The following EFCAB7 variants were observed in gnomAD, a reference collection of about 807,000 sequenced individuals.
The protein encoded by EFCAB7 is EF-hand calcium binding domain 7, also known as EF-hand calcium-binding domain-containing protein 7.
In EFCAB7, 66 loss-of-function variants were observed where a neutral mutation model predicts 77.1. That is an observed-to-expected ratio of 0.86 (90% CI 0.70 to 1.05). The LOEUF (loss-of-function observed/expected upper bound fraction) is 1.05. EFCAB7 is among the 50% of genes least tolerant of loss of function. The pLI is 0.00. For missense variants in EFCAB7, 638 were observed against 730.5 expected, an observed-to-expected ratio of 0.87 and a Z score of 1.46; for synonymous variants, 225 against 243.3, an observed-to-expected ratio of 0.92 and a Z score of 0.70.
intron 3 of EFCAB7, 21 bp downstream of exon 3, chr1:63,532,052 T>C: frequency 1.3e-6 from 2 of 1,570,452 alleles, no homozygotes; most frequent in South Asian, 1.1e-5. Context: ...TAAAACTGTT[T>C]TGTAATGTGC....
intron 6 of EFCAB7, among the ~76,000 whole-genome samples, chr1:63,540,858 GT>G (rs67562431): frequency 0.35 from 53,212 of 151,860 alleles, 9,476 homozygotes; most frequent in East Asian, 0.48. Flanking sequence ...TTAAAATGCA[GT>G]TTAAGAAGAA....
Position 63,572,566 on chromosome 1 carries a change from TGTTA to T in EFCAB7, c.*51_*54del, listed in dbSNP as rs1292744087. On this transcript the variant is annotated 3_prime_UTR_variant, in exon 14 of 14. Coordinates refer to ENST00000371088, the MANE Select transcript of EFCAB7 (RefSeq NM_032437.4). ...ACTAAGAATTATTTCAGATTTAGTC[TGTTA>T]TTTATTAAACAACTAAATGCTACTT... 6 of 1,316,444 alleles carry T rather than the reference TGTTA, an allele frequency of 4.6e-6. No homozygotes were observed. The highest frequency in any genetic ancestry group is 6.1e-6 in the Non-Finnish European group (6 of 983,938). 81.5% of individuals were successfully genotyped at this position (1,316,444 alleles called of 1,614,324 possible).
At chr1:63,576,606 G>C (rs1647425820), downstream of EFCAB7, among the ~76,000 whole-genome samples, 1 of 151,560 alleles carries the variant, frequency 6.6e-6, no homozygotes, top group Admixed American at 6.6e-5. Context: ...GATCACCTGA[G>C]GTCAGGAGTT....
chr1:63,577,187 T>C (rs752845019), downstream of EFCAB7, among the ~76,000 whole-genome samples: 1 of 150,846 alleles, frequency 6.6e-6, no homozygotes, highest in Non-Finnish European at 1.5e-5. Context: ...TTTCTAAAAA[T>C]ATATATGAAT....
At chr1:63,562,448 TTTATATATATATA>T (rs1647115403) in intron 11 of EFCAB7, among the ~76,000 whole-genome samples, 3 of 44,890 alleles carry the variant, frequency 6.7e-5, no homozygotes, top group Admixed American at 4.9e-4. Context: ...TCTTAATTTA[TTTATATATATATA>T]TATATATATA....
At chr1:63,528,596 A>G (rs572133875) in intron 2 of EFCAB7, among the ~76,000 whole-genome samples, 1 of 152,308 alleles carries the variant, frequency 6.6e-6, no homozygotes, top group African/African-American at 2.4e-5. Context: ...AACAAAGGAT[A>G]AATGCTTGAG....
At chr1:63,533,403 C>G (rs1646723966) in intron 4 of EFCAB7, 51 bp from the exon 5 acceptor site, 2 of 1,376,446 alleles carry the variant, frequency 1.5e-6, no homozygotes, top group Middle Eastern at 1.8e-4. Context: ...TTCTCCTCTT[C>G]CCCAGTGTAT....
At chr1:63,533,289 C>T (rs1239223439) in intron 4 of EFCAB7, among the ~76,000 whole-genome samples, 165 bp from the exon 5 acceptor site, 1 of 152,110 alleles carries the variant, frequency 6.6e-6, no homozygotes, top group African/African-American at 2.4e-5. Flanking sequence ...CACTAGGTCA[C>T]TTGAGGCTGG....
the EFCAB7 span, among the ~76,000 whole-genome samples, chr1:63,582,870 G>A: frequency 1.3e-5 from 2 of 152,172 alleles, no homozygotes; most frequent in African/African-American, 2.4e-5. Flanking sequence ...CTCCCAAAGT[G>A]CTGGGATTAC....
Position 63,557,175 on chromosome 1 carries a change from G to A in EFCAB7, c.1276G>A (p.Glu426Lys). ...AGATGGAAATGGTCTTCTTAGCCTT[G>A]AAGAATATAATTTTTTTGAATTGAG... ...DLDGNGLLSL[E>K]EYNFFELRTS... The change falls in exon 10 of 14, where the codon GAA becomes AAA. Residue 426 changes from glutamate to lysine, a missense_variant. Coordinates refer to ENST00000371088, the MANE Select transcript of EFCAB7 (RefSeq NM_032437.4). 1 of 1,609,774 alleles carries A rather than the reference G, an allele frequency of 6.2e-7. No individual in the cohort carries two copies. The highest frequency in any genetic ancestry group is 8.5e-7 in the Non-Finnish European group (1 of 1,178,772).
At position 63,534,226 on chromosome 1, in the gene EFCAB7, TTTAAG is replaced by T. The variant is rs1364180489; in HGVS notation, c.804+15_804+19del. On this transcript the variant is annotated intron_variant, in intron 6 of 13. Transcript: ENST00000371088. The stretch of plus-strand genomic sequence containing the variant: ...GCCAAATTTAATAAAGGTATAGTAT[TTTAAG>T]TTAACAGATGACTTTTTCTGAAAAA... 9 of 1,607,318 alleles carry T rather than the reference TTTAAG, an allele frequency of 5.6e-6. No homozygotes were observed. The Admixed American group carries it at 8.5e-5, about 15-fold the overall frequency.
At chr1:63,579,355 CATA>C in the EFCAB7 span, among the ~76,000 whole-genome samples, 2 of 152,208 alleles carry the variant, frequency 1.3e-5, no homozygotes, top group South Asian at 2.1e-4. Flanking sequence ...TTTTATTCAG[CATA>C]ATGCCTTTGA....
intron 1 of EFCAB7, among the ~76,000 whole-genome samples, chr1:63,524,480 T>C (rs1182757296): frequency 6.6e-6 from 1 of 152,244 alleles, no homozygotes; most frequent in Admixed American, 6.5e-5. Flanking sequence ...GTAAATGATC[T>C]ATATAATTCG....
At chr1:63,578,196 G>A in the EFCAB7 span, among the ~76,000 whole-genome samples, 4 of 152,160 alleles carry the variant, frequency 2.6e-5, no homozygotes, top group East Asian at 5.8e-4. Flanking sequence ...AAGAGGAGAG[G>A]AAATGAAAAT....
chr1:63,584,988 C>G, the EFCAB7 span, among the ~76,000 whole-genome samples: 4 of 152,220 alleles, frequency 2.6e-5, no homozygotes, highest in South Asian at 8.3e-4. Flanking sequence ...TTGGAAATGT[C>G]TTTGTCTTGT....
downstream of EFCAB7, among the ~76,000 whole-genome samples, chr1:63,572,894 G>A (rs926632889): frequency 1.3e-5 from 2 of 152,098 alleles, no homozygotes; most frequent in African/African-American, 4.8e-5. Flanking sequence ...GCGGGCAGGG[G>A]CGGGAGTCAC....
At chr1:63,566,374 A>T (rs1421582037) in intron 11 of EFCAB7, among the ~76,000 whole-genome samples, 2 of 152,214 alleles carry the variant, frequency 1.3e-5, no homozygotes, top group African/African-American at 2.4e-5. Flanking sequence ...GAGGGAGAGG[A>T]TCAGGAAAAA....
At chr1:63,580,941 T>C in the EFCAB7 span, among the ~76,000 whole-genome samples, 4 of 147,478 alleles carry the variant, frequency 2.7e-5, no homozygotes, top group African/African-American at 1.0e-4. Context: ...TTATTTGTCC[T>C]AGGAAGGTTT....
intron 6 of EFCAB7, among the ~76,000 whole-genome samples, chr1:63,545,347 C>T (rs963375820): frequency 6.6e-6 from 1 of 152,174 alleles, no homozygotes; most frequent in African/African-American, 2.4e-5. Flanking sequence ...CAACCCCAAT[C>T]AATTAGACAG....
Sources: allele counts gnomAD v4.1 joint callset (sites outside exome capture counted in the v4.1 genomes callset), GRCh38; gene constraint gnomAD v4.1.1; transcripts MANE v1.5; gene names NCBI Gene and HGNC (gene_info 2026-07-23, HGNC 2026-07-21).